The following ALS2 variants were observed in gnomAD, a reference collection of about 807,000 sequenced individuals.
ALS2 encodes the protein alsin.
In ALS2, 117 loss-of-function variants were observed where a neutral mutation model predicts 203.4. The observed-to-expected ratio is 0.58, with a 90% CI of 0.50 to 0.67. The LOEUF is 0.67. Among genes scored for constraint, ALS2 ranks in the 30% least tolerant of loss-of-function variants. ALS2 has a pLI of 0.00. For synonymous variants in ALS2, 718 were observed against 725.9 expected, an observed-to-expected ratio of 0.99 and a Z score of 0.17; for missense variants, 1,715 against 1,989.4, an observed-to-expected ratio of 0.86 and a Z score of 2.62.
At chr2:201,745,829 A>T (rs1482800211) in intron 9 of ALS2, among the ~76,000 whole-genome samples, 2 of 152,138 alleles carry the variant, frequency 1.3e-5, no homozygotes, top group Non-Finnish European at 2.9e-5. Flanking sequence ...GGCACCTGTA[A>T]TCTCAGCTAC....
At chr2:201,777,869 G>T (rs961362289) in intron 1 of ALS2, among the ~76,000 whole-genome samples, 5 of 152,066 alleles carry the variant, frequency 3.3e-5, no homozygotes, top group Non-Finnish European at 7.4e-5. Flanking sequence ...ATATATGTTG[G>T]TAAGTATAGA....
chr2:201,757,514 C>A lies in ALS2; in HGVS notation c.1359G>T (p.Gln453His). 2 of 1,614,002 alleles carry A rather than the reference C, an allele frequency of 1.2e-6. No homozygotes were observed. Among genetic ancestry groups the A allele is most frequent in the South Asian group, 2.2e-5 (2 of 91,058 alleles). ...PEGLKDSREEQVKQESMQGKK... is the reference protein window; with the variant it reads ...PEGLKDSREEHVKQESMQGKK... Reference sequence around the variant, plus strand: ...TTCCTTGCATTGATTCCTGTTTAACCTGTTCTTCCCTGCTATCTTTCAAAC... The same window carrying A: ...TTCCTTGCATTGATTCCTGTTTAACATGTTCTTCCCTGCTATCTTTCAAAC... Residue 453 changes from glutamine to histidine, a missense_variant, in exon 5 of 34, where the codon CAG becomes CAT. Gln to His is a conservative substitution (Grantham distance 24). This residue lies in a region of ALS2 where 476 missense variants were observed against 539.3 expected (regional missense o/e 0.88). Transcript: ENST00000264276.
At chr2:201,709,290 T>C (rs975924934) in intron 27 of ALS2, among the ~76,000 whole-genome samples, 2 of 152,228 alleles carry the variant, frequency 1.3e-5, no homozygotes, top group Admixed American at 1.3e-4. Context: ...TCCCTTTATT[T>C]TTCTCCATAG....
rs1553515273 is a variant in ALS2, at chr2:201,761,465, C to A, written c.529G>T (p.Gly177Cys). 6.2e-7 allele frequency: 1 copy of A among 1,608,262 alleles called. No homozygotes were observed. The highest frequency in any genetic ancestry group is 8.5e-7 in the Non-Finnish European group (1 of 1,175,280). Residue 177 changes from glycine to cysteine, a missense_variant, in exon 4 of 34, where the codon GGT (glycine) becomes TGT (cysteine). Physicochemically the swap from Gly to Cys is radical, Grantham distance 159. Coordinates refer to ENST00000264276, the MANE Select transcript of ALS2 (RefSeq NM_020919.4). ...GTGGTAATGAGACCCAACTGACAAC[C>A]GGTACCCCATGCCCAAATCTCTCTG... ...ISREIWAWGTGCQLGLITTAF... is the reference protein window; with the variant it reads ...ISREIWAWGTCCQLGLITTAF...
chr2:201,771,350 C>T (rs910608764), intron 1 of ALS2, among the ~76,000 whole-genome samples: 3 of 152,120 alleles, frequency 2.0e-5, no homozygotes, highest in Non-Finnish European at 2.9e-5. Flanking sequence ...AGCCACCGCG[C>T]CCGGCCCCTA....
At chr2:201,736,537 TGCTAAACTAGAAGTTGTTAAG>T (rs1443886783) in intron 12 of ALS2, among the ~76,000 whole-genome samples, 3 of 151,958 alleles carry the variant, frequency 2.0e-5, no homozygotes, top group African/African-American at 7.3e-5. Context: ...ATGAACCAAG[TGCTAAACTAGAAGTTGTTAAG>T]AAGTTAACAG....
At position 201,718,117 on chromosome 2, in the gene ALS2, G is replaced by C. The variant is rs1290581522; in HGVS notation, c.3796C>G (p.Pro1266Ala). 1 of 1,613,528 alleles carries C rather than the reference G, an allele frequency of 6.2e-7. No individual in the cohort carries two copies. Among genetic ancestry groups the C allele is most frequent in the Non-Finnish European group, 8.5e-7 (1 of 1,179,670 alleles). Residue 1266 changes from proline (P) to alanine (A), a missense_variant, in exon 24 of 34, where the codon CCT becomes GCT. Physicochemically the swap from Pro to Ala is conservative, Grantham distance 27 (BLOSUM62 -1). Coordinates refer to ENST00000264276, the MANE Select transcript of ALS2 (RefSeq NM_020919.4). ...TCTTTATCACTCTCATATAGACTAG[G>C]TTTGAAGTAGGTTCCAGTGATTTTT... ...GIKITGTYFK[P>A]SLYESDKDRP...
At chr2:201,706,588 A>G (rs914668013) in intron 29 of ALS2, among the ~76,000 whole-genome samples, 2 of 147,826 alleles carry the variant, frequency 1.4e-5, no homozygotes, top group Non-Finnish European at 3.0e-5. Context: ...CATTACTAAT[A>G]TATAATAAAT....
rs1193028682 is a variant in ALS2, at chr2:201,712,915, T to C, written c.4005-1807A>G. 2.6e-5 allele frequency among the ~76,000 whole-genome samples: 4 copies of C among 152,304 alleles called. No individual in the cohort carries two copies. The East Asian group carries it at 7.7e-4, about 29-fold the overall frequency. ...AATGAGAAATATGCAGTCATTTGAA[T>C]TGCTGATTTCCCATTATTTCACTCT... On this transcript the variant is annotated intron_variant, in intron 25 of 33. Coordinates refer to ENST00000264276, the MANE Select transcript of ALS2 (RefSeq NM_020919.4).
At chr2:201,739,056 T>C (rs752301613) in intron 11 of ALS2, among the ~76,000 whole-genome samples, 5 of 151,596 alleles carry the variant, frequency 3.3e-5, no homozygotes, top group South Asian at 2.1e-4. Context: ...CTGGGCAGCA[T>C]GGGGAAACCC....
intron 33 of ALS2, among the ~76,000 whole-genome samples, chr2:201,703,387 G>A (rs1689501327): frequency 6.6e-6 from 1 of 152,030 alleles, no homozygotes; most frequent in Non-Finnish European, 1.5e-5. Flanking sequence ...CCACTTTCAT[G>A]TGAAGTTTTT....
chr2:201,722,913 A>T, intron 23 of ALS2, 130 bp downstream of exon 23: 1 of 723,190 alleles, frequency 1.4e-6, no homozygotes, highest in Non-Finnish European at 2.3e-6. Flanking sequence ...AGCCATGTTG[A>T]CCAAAAATCA....
chr2:201,733,068 G>A lies in ALS2; in HGVS notation c.2580+208C>T, dbSNP rs150899912. Among the ~76,000 whole-genome samples, 314 of 152,252 alleles carry A rather than the reference G, an allele frequency of 2.1e-3. No individual in the cohort carries two copies. Among genetic ancestry groups the A allele is most frequent in the Non-Finnish European group, 2.4e-3 (161 of 68,022 alleles). On this transcript the variant is annotated intron_variant, in intron 13 of 33. Coordinates refer to ENST00000264276, the MANE Select transcript of ALS2 (RefSeq NM_020919.4). ...GAATACAGTTTATTCATCTTGATAA[G>A]GCCCTAAAGGGAAACTGAATCCACA...
chr2:201,773,358 G>A (rs114111231), intron 1 of ALS2, among the ~76,000 whole-genome samples: 2,566 of 152,240 alleles, frequency 0.017, 23 homozygotes, highest in Non-Finnish European at 0.027. Flanking sequence ...GTGAAGAAGA[G>A]GTGAATAAAT....
chr2:201,734,621 A>G (rs1691769953), intron 12 of ALS2, among the ~76,000 whole-genome samples: 1 of 152,196 alleles, frequency 6.6e-6, no homozygotes, highest in African/African-American at 2.4e-5. Context: ...TGCTCCTGAG[A>G]GACGGAGGTA....
At chr2:201,769,051 A>G (rs1395778733) in intron 1 of ALS2, 106 bp from the exon 2 acceptor site, 2 of 584,162 alleles carry the variant, frequency 3.4e-6, no homozygotes, top group East Asian at 5.7e-5. Flanking sequence ...ACTAGGAAAT[A>G]AATATGCAGT....
rs567522221 is a variant in ALS2 at position 201,741,437 on chromosome 2, C to T, written c.2351+237G>A. 2.6e-4 allele frequency: 120 copies of T among 463,642 alleles called. 2 individuals are homozygous for T. The South Asian group carries it at 2.9e-3, about 11-fold the overall frequency. 28.7% of individuals were successfully genotyped at this position (463,642 alleles called of 1,614,324 possible). ...ACATTTAATGTAAATTATGCTATCA[C>T]TCTGCTAGAATATAGAAGAAAACAT... On this transcript the variant is annotated intron_variant, in intron 11 of 33. Coordinates refer to ENST00000264276, the MANE Select transcript of ALS2 (RefSeq NM_020919.4).
chr2:201,724,954 A>T (rs1448961484), intron 20 of ALS2, among the ~76,000 whole-genome samples: 1 of 152,046 alleles, frequency 6.6e-6, no homozygotes. Context: ...TCTACTAAAA[A>T]TACAAAAAAT....
In ALS2 at chr2:201,754,488, G is replaced by A; in HGVS notation, c.1640+15C>T. 5.6e-6 allele frequency: 9 copies of A among 1,614,028 alleles called. No homozygotes were observed. The highest frequency in any genetic ancestry group is 5.9e-6 in the Non-Finnish European group (7 of 1,179,908). On this transcript the variant is annotated intron_variant, in intron 6 of 33. Transcript: ENST00000264276. ...TTTAAGCCAACTTCTATCGGTAAAT[G>A]TTGGTAGCGCTTACCTAGGCAGAAC...
Sources: allele counts gnomAD v4.1 joint callset (sites outside exome capture counted in the v4.1 genomes callset), GRCh38; gene constraint gnomAD v4.1.1; regional missense constraint gnomAD v4.1.1; transcripts MANE v1.5; gene names NCBI Gene and HGNC (gene_info 2026-07-23, HGNC 2026-07-21).